Variants in POLR3G observed in about 807,000 individuals in gnomAD.
POLR3G encodes the protein RNA polymerase III subunit G.
In POLR3G, 28 loss-of-function variants were observed where a neutral mutation model predicts 30.1. The ratio of observed to expected loss-of-function variants is 0.93; its 90% CI spans 0.69 to 1.27. POLR3G has a LOEUF of 1.27. Ranked by LOEUF, POLR3G falls within the 50% of genes most tolerant of loss-of-function variation. POLR3G has a pLI of 0.00. For missense variants in POLR3G, 254 were observed against 264.6 expected (o/e 0.96, Z 0.28); for synonymous variants, 79 against 82.5 (o/e 0.96, Z 0.23).
chr5:90,485,687 A>G lies in POLR3G; in HGVS notation c.117+3A>G. ...TGAAACCACCCCCACTATTTCCTGT[A>G]AGTATATGAACAGTTGAATTCTCAT... On this transcript the variant is annotated splice_donor_region_variant and intron_variant, in intron 2 of 7. Coordinates refer to ENST00000651687, the MANE Select transcript of POLR3G (RefSeq NM_006467.3). 1.3e-6 allele frequency: 2 copies of G among 1,593,314 alleles called. No individual in the cohort carries two copies. Among genetic ancestry groups the G allele is most frequent in the Non-Finnish European group, 8.6e-7 (1 of 1,162,504 alleles).
intron 1 of POLR3G, among the ~76,000 whole-genome samples, chr5:90,484,988 A>G (rs1260292599): frequency 2.0e-5 from 3 of 152,018 alleles, no homozygotes; most frequent in African/African-American, 7.2e-5. Flanking sequence ...AACTTTAATG[A>G]TTTTAACTGT....
chr5:90,502,121 A>G, intron 6 of POLR3G, 133 bp downstream of exon 6: 2 of 1,453,362 alleles, frequency 1.4e-6, no homozygotes, highest in South Asian at 1.5e-5. Flanking sequence ...AGCCCAACAT[A>G]TAAGGTAACT....
Position 90,512,448 on chromosome 5 carries a change from T to C in POLR3G, c.*309T>C. 4.8e-6 allele frequency: 1 copy of C among 208,112 alleles called. No individual in the cohort carries two copies. The highest frequency in any genetic ancestry group is 1.0e-4 in the East Asian group (1 of 9,870). 12.9% of individuals were successfully genotyped at this position (208,112 alleles called of 1,614,324 possible). Reference sequence around the variant, plus strand: ...GCTCTCTTAATCTATGTATACATACTTGAACAAATCATTCTTGCTTAACTG... The same window carrying C: ...GCTCTCTTAATCTATGTATACATACCTGAACAAATCATTCTTGCTTAACTG... On this transcript the variant is annotated 3_prime_UTR_variant, in exon 8 of 8. Coordinates refer to ENST00000651687, the MANE Select transcript of POLR3G (RefSeq NM_006467.3).
chr5:90,476,019 C>T (rs1021903773), intron 1 of POLR3G, among the ~76,000 whole-genome samples: 4 of 152,180 alleles, frequency 2.6e-5, no homozygotes, highest in Non-Finnish European at 5.9e-5. Flanking sequence ...CCAGAAGCAT[C>T]TATTTAGGCT....
At chr5:90,497,611 T>C in intron 4 of POLR3G, 45 bp from the exon 5 acceptor site, 2 of 1,569,052 alleles carry the variant, frequency 1.3e-6, no homozygotes, top group Non-Finnish European at 1.7e-6. Flanking sequence ...ATGCCACAAA[T>C]TCCTAGAGGA....
chr5:90,478,024 G>T (rs1750922883), intron 1 of POLR3G, among the ~76,000 whole-genome samples: 1 of 152,212 alleles, frequency 6.6e-6, no homozygotes, highest in South Asian at 2.1e-4. Context: ...TTGGCCTTTT[G>T]TTCCCTGCCT....
At chr5:90,500,066 A>G (rs1458809011) in intron 5 of POLR3G, among the ~76,000 whole-genome samples, 1 of 152,198 alleles carries the variant, frequency 6.6e-6, no homozygotes, top group Non-Finnish European at 1.5e-5. Flanking sequence ...TTATACCCAC[A>G]TTAATCAGTA....
chr5:90,497,547 C>T, intron 4 of POLR3G, 109 bp from the exon 5 acceptor site: 6 of 1,264,874 alleles, frequency 4.7e-6, no homozygotes, highest in Non-Finnish European at 6.4e-6. Context: ...GATACTAAGG[C>T]ACTTTATTGT....
chr5:90,474,204 GC>G, upstream of POLR3G: 1 of 1,611,918 alleles, frequency 6.2e-7, no homozygotes, highest in Non-Finnish European at 8.5e-7. Context: ...CCAGATGTTG[GC>G]ACGGTTGCCC....
intron 6 of POLR3G, 75 bp from the exon 7 acceptor site, chr5:90,506,451 CTG>C: frequency 6.7e-7 from 1 of 1,502,316 alleles, no homozygotes; most frequent in Non-Finnish European, 8.9e-7. Context: ...TGATAGATAA[CTG>C]TTCCCTTAAG....
intron 7 of POLR3G, among the ~76,000 whole-genome samples, chr5:90,507,398 C>T (rs1158686722): frequency 2.0e-5 from 3 of 152,154 alleles, no homozygotes; most frequent in Non-Finnish European, 4.4e-5. Context: ...GAAATCTTTA[C>T]TATAATTATT....
intron 3 of POLR3G, among the ~76,000 whole-genome samples, chr5:90,488,486 C>G (rs1367572629): frequency 6.6e-6 from 1 of 151,992 alleles, no homozygotes; most frequent in Non-Finnish European, 1.5e-5. Flanking sequence ...AAATTAGATT[C>G]ACATTACTTT....
rs1752804320 is a variant in POLR3G at position 90,512,949 on chromosome 5, TGC to T, written c.*811_*812del. ...GTTCTGGTCATATAAATATGTAGAA[TGC>T]ATGTGTGTGAACTCTATGAAGTGAA... On this transcript the variant is annotated 3_prime_UTR_variant, in exon 8 of 8. Coordinates refer to ENST00000651687, the MANE Select transcript of POLR3G (RefSeq NM_006467.3). 6.6e-6 allele frequency: 1 copy of T among 152,154 alleles called. No homozygotes were observed. The highest frequency in any genetic ancestry group is 2.1e-4 in the South Asian group (1 of 4,836). The allele number at this position is 152,154 out of a possible 1,614,324, so 9.4% of individuals were successfully genotyped here.
chr5:90,485,378 G>A, intron 1 of POLR3G, 147 bp from the exon 2 acceptor site: 1 of 521,736 alleles, frequency 1.9e-6, no homozygotes, highest in South Asian at 2.5e-5. Context: ...TCAACAGTCA[G>A]TTGTCACATG....
chr5:90,481,715 A>G (rs1751131182), intron 1 of POLR3G, among the ~76,000 whole-genome samples: 1 of 152,210 alleles, frequency 6.6e-6, no homozygotes, highest in Non-Finnish European at 1.5e-5. Flanking sequence ...GTTAAATGTC[A>G]TGTATTTTTT....
At chr5:90,475,968 C>T (rs1439648983) in intron 1 of POLR3G, among the ~76,000 whole-genome samples, 1 of 152,186 alleles carries the variant, frequency 6.6e-6, no homozygotes, top group South Asian at 2.1e-4. Context: ...GCCTCGGCCT[C>T]CCAAAGTGCT....
intron 3 of POLR3G, among the ~76,000 whole-genome samples, chr5:90,488,885 T>A (rs374550041): frequency 1.3e-5 from 2 of 152,286 alleles, no homozygotes; most frequent in East Asian, 1.9e-4. Flanking sequence ...GGGAAGTGGT[T>A]TTATAGGAAA....
Position 90,500,927 on chromosome 5 carries a change from C to G in POLR3G, c.356-979C>G, listed in dbSNP as rs564380323. Among the ~76,000 whole-genome samples, 6 of 152,224 alleles carry G rather than the reference C, an allele frequency of 3.9e-5. No individual in the cohort carries two copies. The East Asian group carries it at 1.2e-3, about 29-fold the overall frequency. ...ACAATGGGACAATTTTGTAGCCTAT[C>G]ATATTGCTTCGGTAACTGACTGGCA... On this transcript the variant is annotated intron_variant, in intron 5 of 7. Coordinates refer to ENST00000651687, the MANE Select transcript of POLR3G (RefSeq NM_006467.3).
intron 6 of POLR3G, among the ~76,000 whole-genome samples, chr5:90,504,986 G>C (rs1268861226): frequency 6.6e-6 from 1 of 152,158 alleles, no homozygotes; most frequent in Non-Finnish European, 1.5e-5. Flanking sequence ...TGTTCTGCCT[G>C]AGTGGGTTAA....
Sources: gnomAD v4.1 joint callset for allele counts (sites outside exome capture counted in the v4.1 genomes callset) on GRCh38, gnomAD v4.1.1 for gene constraint, MANE v1.5 for transcripts, NCBI Gene and HGNC (gene_info 2026-07-23, HGNC 2026-07-21) for gene names.